Variants in SMPD1 observed in about 807,000 individuals in gnomAD.
The protein encoded by SMPD1 is sphingomyelin phosphodiesterase 1.
In SMPD1, 47 loss-of-function variants were observed where a neutral mutation model predicts 49.7. The observed-to-expected ratio is 0.95, with a 90% CI of 0.75 to 1.21. The LOEUF is 1.21. Ranked by LOEUF, SMPD1 falls within the 50% of genes most tolerant of loss-of-function variation. The pLI is 0.00. For synonymous variants in SMPD1, 336 were observed against 339.6 expected, an observed-to-expected ratio of 0.99 and a Z score of 0.12; for missense variants, 811 against 822.2, an observed-to-expected ratio of 0.99 and a Z score of 0.17.
chr11:6,393,018 A>C (rs1848004013), intron 2 of SMPD1, among the ~76,000 whole-genome samples, 198 bp from the exon 3 acceptor site: 1 of 149,642 alleles, frequency 6.7e-6, no homozygotes, highest in African/African-American at 2.5e-5. Context: ...CCTCCCCCAT[A>C]CTCCTGGAGC....
Position 6,394,425 on chromosome 11 carries a change from T to G in SMPD1, c.1714T>G (p.Phe572Val). Residue 572 changes from phenylalanine to valine, a missense_variant, in exon 6 of 6, where the codon TTC becomes GTC. Transcript: ENST00000342245. ...MRGDMQLFQT[F>V]WFLYHKGHPP... ...GGGCGACATGCAACTTTTCCAGACC[T>G]TCTGGTTTCTCTACCATAAGGGCCA... is the stretch of plus-strand genomic sequence containing the variant. 6.2e-7 allele frequency: 1 copy of G among 1,614,216 alleles called. No individual in the cohort carries two copies. Among genetic ancestry groups the G allele is most frequent in the Non-Finnish European group, 8.5e-7 (1 of 1,180,026 alleles).
rs1402734026 is a variant in SMPD1, at chr11:6,393,916, C to A, written c.1361C>A (p.Ala454Asp). ...GCCAGGTATGAGAACACCCTGGCTG[C>A]TCAGTTCTTTGGCCACACTCATGTG... ...IVARYENTLA[A>D]QFFGHTHVDE... Residue 454 changes from alanine to aspartate, a missense_variant, in exon 5 of 6, where the codon GCT becomes GAT. Ala to Asp is a moderately radical substitution (Grantham distance 126, BLOSUM62 -2). Coordinates refer to ENST00000342245, the MANE Select transcript of SMPD1 (RefSeq NM_000543.5). The A allele has an allele frequency of 6.2e-7, 1 of 1,614,052 alleles. No individual in the cohort carries two copies. The highest frequency in any genetic ancestry group is 2.2e-5 in the East Asian group (1 of 44,896).
Position 6,394,707 on chromosome 11 carries a change from A to C in SMPD1, c.*100A>C. On this transcript the variant is annotated 3_prime_UTR_variant, in exon 6 of 6. Transcript: ENST00000342245. ...ACCAGGCAAGATCATCCGGTGAAAGAACCAGTCCCTGGGCCCCAAGGATGC... is the reference window on the plus strand; with the variant it reads ...ACCAGGCAAGATCATCCGGTGAAAGCACCAGTCCCTGGGCCCCAAGGATGC... 9.8e-7 allele frequency: 1 copy of C among 1,019,238 alleles called. No individual in the cohort carries two copies. The highest frequency in any genetic ancestry group is 1.5e-6 in the Non-Finnish European group (1 of 676,850). The allele number at this position is 1,019,238 out of a possible 1,614,324, so 63.1% of individuals were successfully genotyped here. A position where few individuals can be genotyped will look rare whatever the true frequency, so the allele number is the denominator to read the frequency against.
chr11:6,390,511 C>T lies in SMPD1; in HGVS notation c.-88C>T. 1 of 1,551,432 alleles carries T rather than the reference C, an allele frequency of 6.4e-7. No individual in the cohort carries two copies. ...ACAGAGAAGGGTAATCGGGTGTCCC[C>T]GGCGCCGCCCGGGGCCCTGAGGGCT... On this transcript the variant is annotated 5_prime_UTR_variant, in exon 1 of 6. Coordinates refer to ENST00000342245, the MANE Select transcript of SMPD1 (RefSeq NM_000543.5).
Position 6,393,249 on chromosome 11 carries a change from C to A in SMPD1, c.1125C>A (p.Pro375=). The A allele has an allele frequency of 2.5e-6, 4 of 1,613,988 alleles. No homozygotes were observed. Among genetic ancestry groups the A allele is most frequent in the Non-Finnish European group, 3.4e-6 (4 of 1,179,864 alleles). The change falls in exon 3 of 6, where the codon CCC becomes CCA. Residue 375 remains proline (P), a synonymous_variant. Coordinates refer to ENST00000342245, the MANE Select transcript of SMPD1 (RefSeq NM_000543.5). ...IGGFYALSPY[P]GLRLISLNMN... ...GGTTCTATGCTCTTTCCCCATACCC[C>A]GGTCTCCGCCTCATCTCTCTCAATA...
chr11:6,394,068 T>C (rs1430259310), intron 5 of SMPD1, 27 bp downstream of exon 5: 9 of 1,613,926 alleles, frequency 5.6e-6, no homozygotes, highest in Middle Eastern at 3.3e-4. Context: ...GGAGCCTCCC[T>C]TATCCTGGAG....
In SMPD1 at chr11:6,394,738, A is replaced by T. The variant is rs1848115265; in HGVS notation, c.*131A>T. On this transcript the variant is annotated 3_prime_UTR_variant, in exon 6 of 6. Transcript: ENST00000342245. ...TCCCTGGGCCCCAAGGATGCCGGGG[A>T]AACAGGACCTTCTCCTTTCCTGGAG... The T allele has an allele frequency of 1.3e-6, 1 of 787,656 alleles. No homozygotes were observed. The highest frequency in any genetic ancestry group is 2.1e-6 in the Non-Finnish European group (1 of 480,478). The allele number at this position is 787,656 out of a possible 1,614,324, so 48.8% of individuals were successfully genotyped here.
At chr11:6,392,332 T>G in intron 2 of SMPD1, 176 bp downstream of exon 2, 1 of 371,228 alleles carries the variant, frequency 2.7e-6, no homozygotes. Context: ...CACCAGGCTT[T>G]TTTTTTTTTT....
Position 6,392,061 on chromosome 11 carries a change from C to A in SMPD1, c.996C>A (p.Pro332=). 1.2e-6 allele frequency: 2 copies of A among 1,614,176 alleles called. No individual in the cohort carries two copies. Among genetic ancestry groups the A allele is most frequent in the South Asian group, 1.1e-5 (1 of 91,074 alleles). ...CACCTGTCAATAGCTTCCCTCCCCC[C>A]TTCATTGAGGGCAACCACTCCTCCC... ...ESTPVNSFPP[P]FIEGNHSSRW... The change falls in exon 2 of 6, where the codon CCC becomes CCA. Residue 332 remains proline (P), a synonymous_variant. Coordinates refer to ENST00000342245, the MANE Select transcript of SMPD1 (RefSeq NM_000543.5).
Position 6,391,999 on chromosome 11 carries a change from G to A in SMPD1, c.934G>A (p.Val312Met), listed in dbSNP as rs941413871. 6.2e-7 allele frequency: 1 copy of A among 1,614,234 alleles called. No individual in the cohort carries two copies. The highest frequency in any genetic ancestry group is 1.1e-5 in the South Asian group (1 of 91,088). The change falls in exon 2 of 6, where the codon GTG (valine) becomes ATG (methionine). Residue 312 changes from valine to methionine, a missense_variant. Coordinates refer to ENST00000342245, the MANE Select transcript of SMPD1 (RefSeq NM_000543.5). Reference sequence around the variant, plus strand: ...ACTTGTGAGGAAGTTCCTGGGGCCAGTGCCAGTGTACCCTGCTGTGGGTAA... The same window carrying A: ...ACTTGTGAGGAAGTTCCTGGGGCCAATGCCAGTGTACCCTGCTGTGGGTAA... ...TALVRKFLGP[V>M]PVYPAVGNHE... is the part of the protein sequence containing the mutation.
At position 6,393,430 on chromosome 11, in the gene SMPD1, C is replaced by T. The variant is rs768034267; in HGVS notation, c.1263+43C>T. On this transcript the variant is annotated intron_variant, in intron 3 of 5. Transcript: ENST00000342245. ...GAACACGGTGGTGCTGGGGGACAAGCAGGCTCCTGTTGAGCTGGAGCACCT... is the reference window on the plus strand; with the variant it reads ...GAACACGGTGGTGCTGGGGGACAAGTAGGCTCCTGTTGAGCTGGAGCACCT... The T allele has an allele frequency of 2.1e-5, 33 of 1,589,310 alleles. No homozygotes were observed. In the Admixed American group the frequency reaches 5.6e-4, roughly 27 times the overall value.
rs377609894 is a variant in SMPD1 at position 6,393,681 on chromosome 11, G to T, written c.1328G>T (p.Arg443Leu). 6.2e-6 allele frequency: 10 copies of T among 1,613,768 alleles called. No individual in the cohort carries two copies. Among genetic ancestry groups the T allele is most frequent in the South Asian group, 1.1e-5 (1 of 91,064 alleles). The change falls in exon 4 of 6, where the codon CGA becomes CTA. Residue 443 changes from arginine (R) to leucine (L), a missense_variant. By Grantham distance (102) the Arg-to-Leu change is moderately radical. Coordinates refer to ENST00000342245, the MANE Select transcript of SMPD1 (RefSeq NM_000543.5). ...CLKSWSWNYY[R>L]IVARYENTLA... The stretch of plus-strand genomic sequence containing the variant: ...AAGAGCTGGAGCTGGAATTATTACC[G>T]AATTGTAGCCAGGTAGGACGGAGAT...
At chr11:6,391,259 G>A in intron 1 of SMPD1, 125 bp from the exon 2 acceptor site, 1 of 934,096 alleles carries the variant, frequency 1.1e-6, no homozygotes, top group South Asian at 1.4e-5. Context: ...TGTGCACTGA[G>A]CTTGGTGCAC....
chr11:6,394,524 A>C lies in SMPD1; in HGVS notation c.1813A>C (p.Ser605Arg). The change falls in exon 6 of 6, where the codon AGC becomes CGC. Residue 605 changes from serine to arginine, a missense_variant. Physicochemically the swap from Ser to Arg is moderately radical, Grantham distance 110 (BLOSUM62 -1). Transcript: ENST00000342245. ...LCAQLSARAD[S>R]PALCRHLMPD... ...TGCCCAGCTCTCTGCCCGTGCTGACAGCCCTGCTCTGTGCCGCCACCTGAT... is the reference window on the plus strand; with the variant it reads ...TGCCCAGCTCTCTGCCCGTGCTGACCGCCCTGCTCTGTGCCGCCACCTGAT... 1 of 1,611,438 alleles carries C rather than the reference A, an allele frequency of 6.2e-7. No individual in the cohort carries two copies. The highest frequency in any genetic ancestry group is 8.5e-7 in the Non-Finnish European group (1 of 1,179,982).
At position 6,393,680 on chromosome 11, in the gene SMPD1, C is replaced by T. The variant is rs120074127; in HGVS notation, c.1327C>T (p.Arg443Ter). ...CLKSWSWNYY[R>*]IVARYENTLA... ...GAAGAGCTGGAGCTGGAATTATTAC[C>T]GAATTGTAGCCAGGTAGGACGGAGA... The change falls in exon 4 of 6, where the codon CGA becomes TGA. Residue 443 changes from arginine to a stop codon, truncating the protein, a stop_gained. Transcript: ENST00000342245. LOFTEE classifies it high-confidence loss of function. 37 of 1,613,532 alleles carry T rather than the reference C, an allele frequency of 2.3e-5. No homozygotes were observed. The highest frequency in any genetic ancestry group is 3.1e-5 in the Non-Finnish European group (36 of 1,179,624).
Position 6,393,943 on chromosome 11 carries a change from A to G in SMPD1, c.1388A>G (p.Asp463Gly), listed in dbSNP as rs1213790492. Reference protein sequence around the residue: ...AAQFFGHTHVDEFEVFYDEET... With the variant: ...AAQFFGHTHVGEFEVFYDEET... ...CAGTTCTTTGGCCACACTCATGTGG[A>G]TGAATTTGAGGTCTTCTATGATGAA... The change falls in exon 5 of 6, where the codon GAT becomes GGT. Residue 463 changes from aspartate to glycine, a missense_variant. Asp to Gly is a moderately conservative substitution (Grantham distance 94). Coordinates refer to ENST00000342245, the MANE Select transcript of SMPD1 (RefSeq NM_000543.5). The G allele has an allele frequency of 3.1e-6, 5 of 1,614,014 alleles. No individual in the cohort carries two copies. In the Admixed American group the frequency reaches 8.3e-5, roughly 27 times the overall value.
At position 6,391,645 on chromosome 11, in the gene SMPD1, C is replaced by T. The variant is rs1172341078; in HGVS notation, c.580C>T (p.Pro194Ser). The T allele has an allele frequency of 3.2e-6, 5 of 1,559,018 alleles. No homozygotes were observed. Among genetic ancestry groups the T allele is most frequent in the Non-Finnish European group, 4.3e-6 (5 of 1,153,946 alleles). Residue 194 changes from proline to serine, a missense_variant, in exon 2 of 6, where the codon CCA becomes TCA. By Grantham distance (74) the Pro-to-Ser change is moderately conservative. Coordinates refer to ENST00000342245, the MANE Select transcript of SMPD1 (RefSeq NM_000543.5). ...PKPPPKPPSP[P>S]APGAPVSRIL... ...GCCGCCCCCCAAACCCCCTAGCCCC[C>T]CAGCCCCAGGTGCCCCTGTCAGCCG...
In SMPD1 at chr11:6,390,913, G is replaced by A. The variant is rs2134006862; in HGVS notation, c.315G>A (p.Leu105=). 1.2e-6 allele frequency: 2 copies of A among 1,614,160 alleles called. No homozygotes were observed. The highest frequency in any genetic ancestry group is 1.7e-6 in the Non-Finnish European group (2 of 1,180,042). The part of the protein sequence containing the change: ...KGLFTAINLG[L]KKEPNVARVG... ...TATTCACCGCCATCAACCTCGGGCT[G>A]AAGGTGAGCACTGAAGGGGCTGCAG... The change falls in exon 1 of 6, where the codon CTG becomes CTA. Residue 105 remains leucine (L), a synonymous_variant. Coordinates refer to ENST00000342245, the MANE Select transcript of SMPD1 (RefSeq NM_000543.5).
rs747223735 is a variant in SMPD1, at chr11:6,391,394, A to G, written c.329A>G (p.Asn110Ser). Residue 110 changes from asparagine (N) to serine (S), a missense_variant, in exon 2 of 6, where the codon AAT (asparagine) becomes AGT (serine). Coordinates refer to ENST00000342245, the MANE Select transcript of SMPD1 (RefSeq NM_000543.5). ...AINLGLKKEP[N>S]VARVGSVAIK... ...CTCCTCCCACTGCAGAAGGAACCCA[A>G]TGTGGCTCGCGTGGGCTCCGTGGCC... The G allele has an allele frequency of 1.2e-5, 19 of 1,612,448 alleles. No homozygotes were observed. Among genetic ancestry groups the G allele is most frequent in the South Asian group, 5.5e-5 (5 of 91,004 alleles).
Sources: allele counts gnomAD v4.1 joint callset (sites outside exome capture counted in the v4.1 genomes callset), GRCh38; gene constraint gnomAD v4.1.1; transcripts MANE v1.5; gene names NCBI Gene and HGNC (gene_info 2026-07-23, HGNC 2026-07-21).